The following LRRCC1 variants were observed in gnomAD, a reference collection of about 807,000 sequenced individuals.
The protein encoded by LRRCC1 is leucine rich repeat and coiled-coil centrosomal protein 1.
A neutral mutation model predicts 126.0 loss-of-function variants in LRRCC1; 115 were observed. The observed-to-expected ratio is 0.91, with a 90% CI of 0.78 to 1.07. The LOEUF is 1.07. Ranked by LOEUF, LRRCC1 falls within the 50% of genes least tolerant of loss-of-function variation. The pLI is 0.00. For missense variants in LRRCC1, 1,172 were observed against 1,175.7 expected (o/e 1.00, Z 0.05); for synonymous variants, 400 against 393.4 (o/e 1.02, Z -0.20).
Position 85,109,611 on chromosome 8 carries a change from T to G in LRRCC1, c.121T>G (p.Leu41Val). Reference protein sequence around the residue: ...KGLQSISELSLDSTLHAVNLH... With the variant: ...KGLQSISELSVDSTLHAVNLH... ...CTTTTATAGCATATCAGAATTATCTTTAGATTCAACTCTTCATGCCGTCAA... is the reference window on the plus strand; with the variant it reads ...CTTTTATAGCATATCAGAATTATCTGTAGATTCAACTCTTCATGCCGTCAA... Residue 41 changes from leucine to valine, a missense_variant, in exon 2 of 19, where the codon TTA (leucine) becomes GTA (valine). Transcript: ENST00000360375. 6.3e-7 allele frequency: 1 copy of G among 1,599,020 alleles called. No individual in the cohort carries two copies. Among genetic ancestry groups the G allele is most frequent in the Non-Finnish European group, 8.6e-7 (1 of 1,168,724 alleles).
chr8:85,137,460 T>A lies in LRRCC1; in HGVS notation c.2330-4T>A. On this transcript the variant is annotated splice_polypyrimidine_tract_variant and splice_region_variant and intron_variant, in intron 14 of 18. Transcript: ENST00000360375. ...GTATGTAATTGATGATTTTTGTTTC[T>A]TAGGATCTTCTCTAGCCCAAAATCG... 6.5e-7 allele frequency: 1 copy of A among 1,545,666 alleles called. No homozygotes were observed. Among genetic ancestry groups the A allele is most frequent in the Non-Finnish European group, 8.6e-7 (1 of 1,156,162 alleles).
Position 85,137,566 on chromosome 8 carries a change from C to A in LRRCC1, c.2432C>A (p.Ala811Glu). ...LRKTNESDSD[A>E]LRIKCKIIDD... The stretch of plus-strand genomic sequence containing the variant: ...AAGACAAATGAAAGTGATAGTGATG[C>A]ATTAAGAATAAAGTGCAAAATCATA... The change falls in exon 15 of 19, where the codon GCA (alanine) becomes GAA (glutamate). Residue 811 changes from alanine to glutamate, a missense_variant. Transcript: ENST00000360375. 1.3e-6 allele frequency: 2 copies of A among 1,541,108 alleles called. No individual in the cohort carries two copies. The highest frequency in any genetic ancestry group is 1.7e-6 in the Non-Finnish European group (2 of 1,148,030).
chr8:85,122,781 C>A (rs926928588), intron 6 of LRRCC1, among the ~76,000 whole-genome samples: 1 of 152,176 alleles, frequency 6.6e-6, no homozygotes, highest in Non-Finnish European at 1.5e-5. Flanking sequence ...TTTTGAAGTA[C>A]GTCCTGGACA....
At chr8:85,121,222 G>A (rs1286748196) in intron 6 of LRRCC1, among the ~76,000 whole-genome samples, 4 of 152,144 alleles carry the variant, frequency 2.6e-5, no homozygotes, top group Non-Finnish European at 5.9e-5. Flanking sequence ...CAGAAGAAAA[G>A]TGAGTCTTGT....
At chr8:85,134,218 C>T (rs1212736469) in intron 12 of LRRCC1, among the ~76,000 whole-genome samples, 1 of 152,216 alleles carries the variant, frequency 6.6e-6, no homozygotes, top group Non-Finnish European at 1.5e-5. Context: ...CATATAGTAT[C>T]ATCTAACATG....
chr8:85,145,625 C>A lies in LRRCC1; in HGVS notation c.*114C>A. ...TTGAAATGTCTCTTTCTATACATTT[C>A]ATTATGAATATATTTTTAAAGACTT... On this transcript the variant is annotated 3_prime_UTR_variant, in exon 19 of 19. Transcript: ENST00000360375. The A allele has an allele frequency of 1.3e-6, 1 of 775,218 alleles. No homozygotes were observed. The highest frequency in any genetic ancestry group is 1.9e-6 in the Non-Finnish European group (1 of 518,282). The allele number at this position is 775,218 out of a possible 1,614,324, so 48.0% of individuals were successfully genotyped here.
intron 18 of LRRCC1, 40 bp from the exon 19 acceptor site, chr8:85,145,349 C>G: frequency 7.3e-7 from 1 of 1,363,822 alleles, no homozygotes; most frequent in South Asian, 1.7e-5. Flanking sequence ...AATACATTTT[C>G]TTTAAGAAAT....
chr8:85,117,373 G>T (rs888959718), intron 6 of LRRCC1, among the ~76,000 whole-genome samples: 1 of 152,108 alleles, frequency 6.6e-6, no homozygotes, highest in African/African-American at 2.4e-5. Context: ...TGGAAAGAAA[G>T]GTGATTCACT....
At chr8:85,123,129 C>G (rs1283313459) in intron 6 of LRRCC1, among the ~76,000 whole-genome samples, 1 of 152,158 alleles carries the variant, frequency 6.6e-6, no homozygotes, top group African/African-American at 2.4e-5. Context: ...GTCAGCTCCC[C>G]TCTAGGATAA....
rs1554671094 is a variant in LRRCC1 at position 85,110,086 on chromosome 8, C to G, written c.311-29C>G. 3 of 932,146 alleles carry G rather than the reference C, an allele frequency of 3.2e-6. No homozygotes were observed. In the Admixed American group the frequency reaches 7.4e-5, roughly 23 times the overall value. The allele number at this position is 932,146 out of a possible 1,614,324, so 57.7% of individuals were successfully genotyped here. ...ATTAATTATTTAAATTTTATAAAGG[C>G]TTTATTTTATTTTACTTTTTTTTTT... On this transcript the variant is annotated intron_variant, in intron 2 of 18. Coordinates refer to ENST00000360375, the MANE Select transcript of LRRCC1 (RefSeq NM_033402.5).
intron 12 of LRRCC1, among the ~76,000 whole-genome samples, chr8:85,132,361 C>T (rs909399287): frequency 1.4e-5 from 2 of 144,180 alleles, no homozygotes; most frequent in Non-Finnish European, 3.0e-5. Flanking sequence ...TACAAAAGCA[C>T]AGTTGAGTAC....
intron 1 of LRRCC1, 111 bp downstream of exon 1, chr8:85,107,510 T>C (rs1808332802): frequency 2.2e-6 from 2 of 912,598 alleles, no homozygotes; most frequent in Non-Finnish European, 3.3e-6. Context: ...ACCAAGACCA[T>C]AAGTGAACGC....
rs1272731134 is a variant in LRRCC1, at chr8:85,144,490, A to G, written c.2977-899A>G. ...TATATATATATTTTTTTTTTTTTTG[A>G]GATGGAGTTTCACTCTTGTTCTGGC... On this transcript the variant is annotated intron_variant, in intron 18 of 18. Transcript: ENST00000360375. 2.9e-5 allele frequency among the ~76,000 whole-genome samples: 3 copies of G among 102,358 alleles called. No individual in the cohort carries two copies. The Admixed American group carries it at 3.6e-4, about 12-fold the overall frequency. 67.2% of individuals were successfully genotyped at this position (102,358 alleles called of 152,430 possible).
At chr8:85,144,893 AC>A (rs1811554786) in intron 18 of LRRCC1, among the ~76,000 whole-genome samples, 1 of 147,036 alleles carries the variant, frequency 6.8e-6, no homozygotes, top group Admixed American at 6.7e-5. Context: ...ACACAGTGAA[AC>A]CCCATCTCTA....
chr8:85,120,842 T>A (rs1809496331), intron 6 of LRRCC1, among the ~76,000 whole-genome samples: 1 of 152,210 alleles, frequency 6.6e-6, no homozygotes, highest in Non-Finnish European at 1.5e-5. Flanking sequence ...ACATTTTATT[T>A]ATCCTTTTGT....
At position 85,115,355 on chromosome 8, in the gene LRRCC1, GGTTT is replaced by G. The variant is rs1563932303; in HGVS notation, c.721-15_721-12del. The G allele has an allele frequency of 6.3e-7, 1 of 1,589,936 alleles. No individual in the cohort carries two copies. The highest frequency in any genetic ancestry group is 1.7e-5 in the Admixed American group (1 of 57,394). The stretch of plus-strand genomic sequence containing the variant: ...AGTGAATATAAATTAAAAGGATTTT[GGTTT>G]GTTTCTGTGTCATAGATCATTGATA... On this transcript the variant is annotated splice_polypyrimidine_tract_variant and intron_variant, in intron 5 of 18. Transcript: ENST00000360375.
At chr8:85,145,331 A>G (rs2136018960) in intron 18 of LRRCC1, 58 bp from the exon 19 acceptor site, 2 of 1,320,634 alleles carry the variant, frequency 1.5e-6, no homozygotes, top group East Asian at 2.7e-5. Context: ...TTCAGAATGC[A>G]TTTTAAAAAT....
In LRRCC1 at chr8:85,115,120, C is replaced by T; in HGVS notation, c.565C>T (p.Gln189Ter). Residue 189 changes from glutamine to a stop codon, truncating the protein, a stop_gained, in exon 5 of 19, where the codon CAG (glutamine) becomes TAG (stop). Coordinates refer to ENST00000360375, the MANE Select transcript of LRRCC1 (RefSeq NM_033402.5). LOFTEE classifies it high-confidence loss of function. ...CCAAGGGTACAGAGCAGTTATTCTCCAGACTTTGCCACAGCTTAGAATCCT... is the reference window on the plus strand; with the variant it reads ...CCAAGGGTACAGAGCAGTTATTCTCTAGACTTTGCCACAGCTTAGAATCCT... The part of the protein sequence containing the change: ...RLPGYRAVIL[Q>*]TLPQLRILDC... The T allele has an allele frequency of 1.2e-6, 2 of 1,604,564 alleles. No individual in the cohort carries two copies. The highest frequency in any genetic ancestry group is 1.7e-6 in the Non-Finnish European group (2 of 1,176,744).
chr8:85,127,491 G>A (rs1810105092), intron 9 of LRRCC1, among the ~76,000 whole-genome samples: 1 of 152,084 alleles, frequency 6.6e-6, no homozygotes, highest in Admixed American at 6.5e-5. Flanking sequence ...CCTTGAATGA[G>A]CACTAGGTTT....
Sources: allele counts gnomAD v4.1 joint callset (sites outside exome capture counted in the v4.1 genomes callset), GRCh38; gene constraint gnomAD v4.1.1; transcripts MANE v1.5; gene names NCBI Gene and HGNC (gene_info 2026-07-23, HGNC 2026-07-21).